The following KCNJ3 variants were observed in gnomAD, a reference collection of about 807,000 sequenced individuals.
KCNJ3 encodes potassium inwardly rectifying channel subfamily J member 3.
In KCNJ3, 4 loss-of-function variants were observed where a neutral mutation model predicts 39.2. That is an observed-to-expected ratio of 0.10 (90% confidence interval 0.05 to 0.23). The LOEUF is 0.23. Among genes scored for constraint, KCNJ3 ranks in the 10% least tolerant of loss-of-function variants. The pLI, the probability that KCNJ3 is intolerant of heterozygous loss-of-function variation, is 1.00. For missense variants in KCNJ3, 276 were observed against 634.9 expected (o/e 0.43, Z 6.08); for synonymous variants, 230 against 237.4 (o/e 0.97, Z 0.29).
chr2:154,790,382 C>T (rs749866618), intron 2 of KCNJ3, among the ~76,000 whole-genome samples: 16 of 151,998 alleles, frequency 1.1e-4, no homozygotes, highest in Non-Finnish European at 5.9e-5. Flanking sequence ...GTTTTTCTAA[C>T]GGTATTGTTG....
intron 2 of KCNJ3, among the ~76,000 whole-genome samples, chr2:154,842,071 G>A (rs1687586697): frequency 1.3e-5 from 2 of 151,844 alleles, no homozygotes; most frequent in South Asian, 4.2e-4. Flanking sequence ...TTCTCTTGTG[G>A]GCATTTATTG....
chr2:154,805,318 A>T (rs1471349701), intron 2 of KCNJ3, among the ~76,000 whole-genome samples: 2 of 152,164 alleles, frequency 1.3e-5, no homozygotes, highest in Non-Finnish European at 2.9e-5. Context: ...AAATTGTGTA[A>T]GTGCCTTGAT....
rs1262596930 is a variant in KCNJ3, at chr2:154,817,816, CCT to C, written c.920-36910_920-36909del. Among the ~76,000 whole-genome samples, 529 of 152,230 alleles carry C rather than the reference CCT, an allele frequency of 3.5e-3. 2 individuals are homozygous for C. The highest frequency in any genetic ancestry group is 6.9e-3 in the Middle Eastern group (2 of 290). ...AATTCATGCCATTCTCGTATTTTAA[CCT>C]TTGTTTTACTGTCCATTAGTTCCTG... On this transcript the variant is annotated intron_variant, in intron 2 of 2. Transcript: ENST00000295101.
At chr2:154,746,200 C>T (rs1685738900) in intron 2 of KCNJ3, among the ~76,000 whole-genome samples, 1 of 151,766 alleles carries the variant, frequency 6.6e-6, no homozygotes, top group African/African-American at 2.4e-5. Flanking sequence ...TATAATAATT[C>T]AATATATAAA....
chr2:154,794,776 CAA>C lies in KCNJ3; in HGVS notation c.920-59949_920-59948del, dbSNP rs548672117. 1.1e-4 allele frequency among the ~76,000 whole-genome samples: 17 copies of C among 152,058 alleles called. No homozygotes were observed. The South Asian group carries it at 3.3e-3, about 30-fold the overall frequency. On this transcript the variant is annotated intron_variant, in intron 2 of 2. Transcript: ENST00000295101. ...AATTATCTGACTTCTCATTTTCAAT[CAA>C]AGATAGTTTAGTGACTAGTCATACT...
intron 2 of KCNJ3, among the ~76,000 whole-genome samples, chr2:154,815,116 A>C (rs1687060672): frequency 6.6e-6 from 1 of 152,136 alleles, no homozygotes; most frequent in African/African-American, 2.4e-5. Context: ...TGAATTGCCT[A>C]ATTTGTTTGA....
At position 154,698,852 on chromosome 2, in the gene KCNJ3, C is replaced by A; in HGVS notation, c.77C>A (p.Pro26His). ...TCGTCCAGCGGCTCGGGCTTGCAGC[C>A]CCAGGGGCCAGGCCAGGACCCTCAG... ...TTSSSGSGLQ[P>H]QGPGQDPQQQ... The change falls in exon 1 of 3, where the codon CCC becomes CAC. Residue 26 changes from proline (P) to histidine (H), a missense_variant. Transcript: ENST00000295101. 1 of 1,614,166 alleles carries A rather than the reference C, an allele frequency of 6.2e-7. No individual in the cohort carries two copies. The highest frequency in any genetic ancestry group is 8.5e-7 in the Non-Finnish European group (1 of 1,180,036).
intron 2 of KCNJ3, among the ~76,000 whole-genome samples, chr2:154,763,671 A>G (rs1686083508): frequency 6.6e-6 from 1 of 152,142 alleles, no homozygotes; most frequent in African/African-American, 2.4e-5. Flanking sequence ...TACTGAAGGG[A>G]AGTATGATAT....
chr2:154,854,041 T>A (rs975350252), intron 2 of KCNJ3, among the ~76,000 whole-genome samples: 1 of 152,214 alleles, frequency 6.6e-6, no homozygotes, highest in Non-Finnish European at 1.5e-5. Flanking sequence ...TTTCTTTTTC[T>A]AGCATATAAA....
intron 2 of KCNJ3, among the ~76,000 whole-genome samples, chr2:154,711,878 C>T (rs1014432807): frequency 1.3e-5 from 2 of 151,884 alleles, no homozygotes; most frequent in African/African-American, 2.4e-5. Flanking sequence ...TACCATTTTC[C>T]CCCTCCTGCC....
At chr2:154,782,827 TAAATTA>T (rs1159175993) in intron 2 of KCNJ3, among the ~76,000 whole-genome samples, 1 of 152,124 alleles carries the variant, frequency 6.6e-6, no homozygotes, top group Non-Finnish European at 1.5e-5. Context: ...GGGTTAAAAT[TAAATTA>T]AAACTTAATA....
At chr2:154,835,436 TATTC>T (rs1185467453) in intron 2 of KCNJ3, among the ~76,000 whole-genome samples, 1 of 50,552 alleles carries the variant, frequency 2.0e-5, no homozygotes, top group African/African-American at 4.8e-5. Context: ...GAATATATAA[TATTC>T]ATGAATATGA....
chr2:154,765,338 T>C (rs1686113588), intron 2 of KCNJ3, among the ~76,000 whole-genome samples: 1 of 152,198 alleles, frequency 6.6e-6, no homozygotes, highest in African/African-American at 2.4e-5. Flanking sequence ...TCTATCCTAT[T>C]CGTCTATCAA....
intron 2 of KCNJ3, among the ~76,000 whole-genome samples, chr2:154,824,355 T>A (rs183166034): frequency 3.3e-5 from 5 of 152,022 alleles, no homozygotes; most frequent in Admixed American, 3.3e-4. Flanking sequence ...AAAATAGAAA[T>A]AAAAAATTAC....
intron 2 of KCNJ3, among the ~76,000 whole-genome samples, chr2:154,828,116 G>A (rs778802093): frequency 2.0e-5 from 3 of 152,048 alleles, no homozygotes; most frequent in South Asian, 2.1e-4. Flanking sequence ...AGTCTTAGAA[G>A]ACATTTATAC....
intron 2 of KCNJ3, among the ~76,000 whole-genome samples, chr2:154,725,583 G>C (rs1476963872): frequency 6.6e-6 from 1 of 151,362 alleles, no homozygotes; most frequent in African/African-American, 2.4e-5. Flanking sequence ...TATTTTATTA[G>C]TTCTTCTAGG....
chr2:154,783,738 T>A (rs892738029), intron 2 of KCNJ3, among the ~76,000 whole-genome samples: 1 of 152,170 alleles, frequency 6.6e-6, no homozygotes, highest in African/African-American at 2.4e-5. Context: ...GGTGACCTTA[T>A]ACCCTACCTC....
In KCNJ3 at chr2:154,699,623, G is replaced by A. The variant is rs1684851391; in HGVS notation, c.702+146G>A. 1.6e-6 allele frequency: 2 copies of A among 1,217,728 alleles called. No individual in the cohort carries two copies. Among genetic ancestry groups the A allele is most frequent in the Non-Finnish European group, 2.2e-6 (2 of 899,206 alleles). 75.4% of individuals were successfully genotyped at this position (1,217,728 alleles called of 1,614,324 possible). Reference sequence around the variant, plus strand: ...TCCTTTTGGGGGGTTGGGGGTTGGAGGACTGGGCAAAGAATGCGGTTGACA... The same window carrying A: ...TCCTTTTGGGGGGTTGGGGGTTGGAAGACTGGGCAAAGAATGCGGTTGACA... On this transcript the variant is annotated intron_variant, in intron 1 of 2. Coordinates refer to ENST00000295101, the MANE Select transcript of KCNJ3 (RefSeq NM_002239.4). The surrounding 1 kb of genome is among the most constrained non-coding windows in gnomAD (Gnocchi z 6.4).
rs1687833667 is a variant in KCNJ3, at chr2:154,856,099, G to C, written c.*786G>C. 6.6e-6 allele frequency: 1 copy of C among 152,500 alleles called. No homozygotes were observed. The highest frequency in any genetic ancestry group is 2.4e-5 in the African/African-American group (1 of 41,426). The allele number at this position is 152,500 out of a possible 1,614,324, so 9.4% of individuals were successfully genotyped here. On this transcript the variant is annotated 3_prime_UTR_variant, in exon 3 of 3. Coordinates refer to ENST00000295101, the MANE Select transcript of KCNJ3 (RefSeq NM_002239.4). ...TTAGAGCATACCAGTACTCAGTATA[G>C]CATTGAACATTTCTTATGATTTTTA...
Sources: allele counts gnomAD v4.1 joint callset (sites outside exome capture counted in the v4.1 genomes callset), GRCh38; gene constraint gnomAD v4.1.1; non-coding constraint Gnocchi (gnomAD v3.1); transcripts MANE v1.5; gene names NCBI Gene and HGNC (gene_info 2026-07-23, HGNC 2026-07-21).